Variants in LRMDA observed in about 807,000 individuals in gnomAD.
The protein encoded by LRMDA is leucine-rich melanocyte differentiation-associated protein.
LRMDA carries 18 observed loss-of-function variants against 29.8 expected under a neutral mutation model. The ratio of observed to expected loss-of-function variants is 0.60; its 90% CI spans 0.42 to 0.90. The LOEUF (loss-of-function observed/expected upper bound fraction) is 0.90, where lower values mean the gene tolerates loss of function less well. LRMDA is among the 40% of genes least tolerant of loss of function. The probability of loss-of-function intolerance (pLI) is 0.00; values close to 1 mark genes in which losing one functional copy is unlikely to be tolerated. For missense variants in LRMDA, 273 were observed against 273.9 expected (o/e 1.00, Z 0.02); for synonymous variants, 125 against 109.4 (o/e 1.14, Z -0.89).
chr10:75,931,107 C>T (rs899443199), intron 2 of LRMDA, among the ~76,000 whole-genome samples: 4 of 152,166 alleles, frequency 2.6e-5, no homozygotes, highest in Non-Finnish European at 5.9e-5. Context: ...CATCAATTTG[C>T]TTGGGAGCTA....
chr10:75,454,405 C>G (rs2132033813), intron 2 of LRMDA, among the ~76,000 whole-genome samples: 1 of 152,264 alleles, frequency 6.6e-6, no homozygotes, highest in African/African-American at 2.4e-5. Context: ...CCGAGGCAGC[C>G]TCTGAGACCT....
intron 2 of LRMDA, among the ~76,000 whole-genome samples, chr10:75,854,728 C>A (rs1239971639): frequency 1.3e-5 from 2 of 151,928 alleles, no homozygotes; most frequent in African/African-American, 4.8e-5. Context: ...CTCCCCCCAC[C>A]CCACAACAGG....
chr10:75,750,221 C>G (rs1336355601), intron 2 of LRMDA, among the ~76,000 whole-genome samples: 1 of 148,432 alleles, frequency 6.7e-6, no homozygotes, highest in African/African-American at 2.5e-5. Context: ...GAGGCGCCCC[C>G]CACCTCCCGG....
At chr10:75,739,057 G>A (rs948003775) in intron 2 of LRMDA, among the ~76,000 whole-genome samples, 1 of 152,200 alleles carries the variant, frequency 6.6e-6, no homozygotes, top group Non-Finnish European at 1.5e-5. Context: ...GGCCTGGGCT[G>A]TGTGGCCGCT....
intron 2 of LRMDA, among the ~76,000 whole-genome samples, chr10:75,922,182 C>A (rs1443337884): frequency 6.6e-6 from 1 of 152,190 alleles, no homozygotes; most frequent in Non-Finnish European, 1.5e-5. Flanking sequence ...AAGAAGACCG[C>A]TTTTTAGGAT....
chr10:76,420,716 A>C (rs1183507539), intron 6 of LRMDA, among the ~76,000 whole-genome samples: 1 of 152,054 alleles, frequency 6.6e-6, no homozygotes, highest in East Asian at 1.9e-4. Context: ...TTTTTATGAC[A>C]TACTTTCATA....
intron 2 of LRMDA, among the ~76,000 whole-genome samples, chr10:75,791,775 G>A (rs1162435977): frequency 6.6e-6 from 1 of 151,830 alleles, no homozygotes; most frequent in Non-Finnish European, 1.5e-5. Context: ...AGGTATATAT[G>A]GTAATGATCT....
At chr10:76,122,516 G>A (rs1849807987) in intron 5 of LRMDA, among the ~76,000 whole-genome samples, 1 of 152,020 alleles carries the variant, frequency 6.6e-6, no homozygotes, top group African/African-American at 2.4e-5. Flanking sequence ...GTAAAATGGA[G>A]ATGATAATTG....
At chr10:75,553,350 C>T (rs1410545714) in intron 2 of LRMDA, among the ~76,000 whole-genome samples, 3 of 152,190 alleles carry the variant, frequency 2.0e-5, no homozygotes, top group Non-Finnish European at 2.9e-5. Context: ...AAGGGTTTTC[C>T]TCAAGTTTCC....
intron 6 of LRMDA, among the ~76,000 whole-genome samples, chr10:76,456,653 TAA>T (rs759893190): frequency 1.6e-4 from 20 of 127,402 alleles, no homozygotes; most frequent in African/African-American, 2.3e-4. Flanking sequence ...GCACTCTTAT[TAA>T]AAAAAAAAAA....
At position 76,356,277 on chromosome 10, in the gene LRMDA, T is replaced by C. The variant is rs190750378; in HGVS notation, c.601+31792T>C. ...AAATAATATAACCATAGAACGCTAGTAAATGCTAGAAAGAATCTAAGATAT... is the reference window on the plus strand; with the variant it reads ...AAATAATATAACCATAGAACGCTAGCAAATGCTAGAAAGAATCTAAGATAT... On this transcript the variant is annotated intron_variant, in intron 6 of 6. Coordinates refer to ENST00000611255, the MANE Select transcript of LRMDA (RefSeq NM_001305581.2). Among the ~76,000 whole-genome samples the C allele has an allele frequency of 5.8e-4, 88 of 152,312 alleles. 1 individual carries two copies. In the East Asian group the frequency reaches 6.8e-3, roughly 12 times the overall value.
intron 2 of LRMDA, among the ~76,000 whole-genome samples, chr10:75,831,479 G>A (rs574491777): frequency 1.6e-4 from 24 of 152,306 alleles, no homozygotes; most frequent in African/African-American, 4.6e-4. Context: ...AGGGTATAGC[G>A]CCGCTCCTGG....
chr10:76,040,589 A>T (rs547290028), intron 3 of LRMDA, among the ~76,000 whole-genome samples: 44 of 151,708 alleles, frequency 2.9e-4, no homozygotes, highest in South Asian at 1.3e-3. Flanking sequence ...TCTCTCTCTC[A>T]CACCCAACCA....
intron 5 of LRMDA, among the ~76,000 whole-genome samples, chr10:76,194,169 A>G (rs1028164692): frequency 5.9e-5 from 9 of 152,216 alleles, no homozygotes; most frequent in Non-Finnish European, 8.8e-5. Context: ...AGTCTGTTGC[A>G]GAAGTGCTTA....
chr10:75,532,933 C>T lies in LRMDA; in HGVS notation c.131+94439C>T, dbSNP rs150693374. Among the ~76,000 whole-genome samples the T allele has an allele frequency of 2.0e-5, 3 of 152,216 alleles. No homozygotes were observed. The East Asian group carries it at 5.8e-4, about 29-fold the overall frequency. On this transcript the variant is annotated intron_variant, in intron 2 of 6. Coordinates refer to ENST00000611255, the MANE Select transcript of LRMDA (RefSeq NM_001305581.2). The stretch of plus-strand genomic sequence containing the variant: ...CTGTAAGCAATTAAAAGATGTTTGT[C>T]CTTGCCATCAAGGGGCTCACTCTCT...
At chr10:75,452,055 C>T (rs1218957543) in intron 2 of LRMDA, among the ~76,000 whole-genome samples, 3 of 152,150 alleles carry the variant, frequency 2.0e-5, no homozygotes, top group African/African-American at 7.2e-5. Context: ...TTCAGTCCCA[C>T]TTGGTCTTGT....
chr10:76,225,377 A>C lies in LRMDA; in HGVS notation c.517-99024A>C, dbSNP rs1271736654. ...AGTGAGCTGACGATGACACGATGCC[A>C]CCGCACTCCAGCCTCAGTGACAGAG... On this transcript the variant is annotated intron_variant, in intron 5 of 6. Transcript: ENST00000611255. Among the ~76,000 whole-genome samples, 5 of 152,096 alleles carry C rather than the reference A, an allele frequency of 3.3e-5. No homozygotes were observed. The East Asian group carries it at 9.7e-4, about 29-fold the overall frequency.
intron 5 of LRMDA, among the ~76,000 whole-genome samples, chr10:76,092,810 G>A (rs937906813): frequency 3.3e-5 from 5 of 152,100 alleles, no homozygotes; most frequent in Non-Finnish European, 5.9e-5. Flanking sequence ...GGCCCAATAG[G>A]TACACACATC....
chr10:76,068,104 C>A (rs1242546363), intron 5 of LRMDA, among the ~76,000 whole-genome samples: 2 of 152,168 alleles, frequency 1.3e-5, no homozygotes, highest in African/African-American at 4.8e-5. Context: ...AATTCCATGG[C>A]TAAGGAAGAA....
Sources: gnomAD v4.1 joint callset for allele counts (sites outside exome capture counted in the v4.1 genomes callset) on GRCh38, gnomAD v4.1.1 for gene constraint, MANE v1.5 for transcripts, NCBI Gene and HGNC (gene_info 2026-07-23, HGNC 2026-07-21) for gene names.